The following NRDE2 variants were observed in gnomAD, a reference collection of about 807,000 sequenced individuals.
The protein encoded by NRDE2 is NRDE-2, necessary for RNA interference, domain containing.
In NRDE2, 76 loss-of-function variants were observed where a neutral mutation model predicts 124.2. The observed-to-expected ratio is 0.61, with a 90% CI of 0.51 to 0.74. NRDE2 has a LOEUF of 0.74. NRDE2 is among the 30% of genes least tolerant of loss of function. NRDE2 has a pLI of 0.00. For synonymous variants in NRDE2, 489 were observed against 528.1 expected (o/e 0.93, Z 1.01); for missense variants, 1,314 against 1,417.3 (o/e 0.93, Z 1.17).
chr14:90,328,550 C>T (rs1455188085), intron 1 of NRDE2, among the ~76,000 whole-genome samples: 1 of 152,140 alleles, frequency 6.6e-6, no homozygotes, highest in Admixed American at 6.6e-5. Flanking sequence ...TGGGATGAAA[C>T]AGGTTGCAAA....
At chr14:90,317,436 C>T (rs1885087521) in intron 2 of NRDE2, among the ~76,000 whole-genome samples, 1 of 152,188 alleles carries the variant, frequency 6.6e-6, no homozygotes, top group East Asian at 1.9e-4. Flanking sequence ...CCAACTTCCT[C>T]TCATACATCA....
chr14:90,321,504 G>A (rs1885238928), intron 1 of NRDE2, among the ~76,000 whole-genome samples: 1 of 146,034 alleles, frequency 6.8e-6, no homozygotes, highest in South Asian at 2.2e-4. Flanking sequence ...TGGAGCCCAG[G>A]AGTTCAAACG....
intron 11 of NRDE2, 56 bp downstream of exon 11, chr14:90,288,161 C>A: frequency 6.6e-7 from 1 of 1,525,606 alleles, no homozygotes. Context: ...CAGGGCAACA[C>A]AGCAAGCATT....
At chr14:90,289,992 C>T (rs961152951) in intron 10 of NRDE2, among the ~76,000 whole-genome samples, 4 of 152,198 alleles carry the variant, frequency 2.6e-5, no homozygotes, top group African/African-American at 4.8e-5. Context: ...CAAGATAATA[C>T]AATAAACAGC....
Position 90,268,196 on chromosome 14 carries a change from T to C in NRDE2, c.*10140A>G. 1 of 1,539,122 alleles carries C rather than the reference T, an allele frequency of 6.5e-7. No individual in the cohort carries two copies. The highest frequency in any genetic ancestry group is 2.3e-4 in the Middle Eastern group (1 of 4,284). On this transcript the variant is annotated 3_prime_UTR_variant, in exon 14 of 14. Transcript: ENST00000354366. ...TAAAATGGCACTTAAGGTGTCTTTTTTTTTTTTATCTTTTTCATCCAAAAT... is the reference window on the plus strand; with the variant it reads ...TAAAATGGCACTTAAGGTGTCTTTTCTTTTTTTATCTTTTTCATCCAAAAT...
rs921025381 is a variant in NRDE2, at chr14:90,274,144, G to A, written c.*4192C>T. The A allele has an allele frequency of 2.6e-5, 4 of 154,976 alleles. No homozygotes were observed. Among genetic ancestry groups the A allele is most frequent in the African/African-American group, 9.7e-5 (4 of 41,404 alleles). 9.6% of individuals were successfully genotyped at this position (154,976 alleles called of 1,614,324 possible). On this transcript the variant is annotated 3_prime_UTR_variant, in exon 14 of 14. Transcript: ENST00000354366. ...GTAAGGACGGGGTGCTTGTGGGGAGGGCGGGTGTCAGCCCAAGTAGGGTGT... is the reference window on the plus strand; with the variant it reads ...GTAAGGACGGGGTGCTTGTGGGGAGAGCGGGTGTCAGCCCAAGTAGGGTGT...
chr14:90,302,488 A>G (rs942761904), intron 6 of NRDE2, among the ~76,000 whole-genome samples: 2 of 152,200 alleles, frequency 1.3e-5, no homozygotes, highest in African/African-American at 4.8e-5. Flanking sequence ...GCTAATCAGC[A>G]GAACCTTGTC....
intron 8 of NRDE2, among the ~76,000 whole-genome samples, chr14:90,295,311 T>C (rs1884100991): frequency 6.6e-6 from 1 of 152,206 alleles, no homozygotes; most frequent in Admixed American, 6.5e-5. Context: ...CGTAGTATAA[T>C]AATAATATAT....
At chr14:90,302,600 C>A (rs1371923541) in intron 6 of NRDE2, 120 bp downstream of exon 6, 1 of 1,129,836 alleles carries the variant, frequency 8.9e-7, no homozygotes, top group East Asian at 2.6e-5. Context: ...TTAAAAAAAT[C>A]AGTTCTATCA....
chr14:90,319,848 C>T (rs528995284), intron 1 of NRDE2, among the ~76,000 whole-genome samples: 122 of 152,246 alleles, frequency 8.0e-4, no homozygotes, highest in Admixed American at 1.8e-3. Context: ...TACCTAGGAG[C>T]GGAATTGCTG....
intron 12 of NRDE2, 74 bp from the exon 13 acceptor site, chr14:90,279,207 A>G: frequency 8.6e-7 from 1 of 1,156,534 alleles, no homozygotes; most frequent in East Asian, 2.3e-5. Flanking sequence ...ACGCCCCTGG[A>G]TGACGGGCAC....
rs545829397 is a variant in NRDE2 at position 90,301,222 on chromosome 14, C to T, written c.1545+17G>A. 3.1e-6 allele frequency: 5 copies of T among 1,612,466 alleles called. No homozygotes were observed. In the African/African-American group the frequency reaches 5.3e-5, roughly 17 times the overall value. On this transcript the variant is annotated intron_variant, in intron 7 of 13. Coordinates refer to ENST00000354366, the MANE Select transcript of NRDE2 (RefSeq NM_017970.4). ...AAGAGCCAGGAAGAGAGAGATGAGG[C>T]GAGCAGAGCTGGGTACCTGTCCTTT...
At chr14:90,292,142 T>C (rs1484208957) in intron 9 of NRDE2, among the ~76,000 whole-genome samples, 1 of 152,216 alleles carries the variant, frequency 6.6e-6, no homozygotes, top group Non-Finnish European at 1.5e-5. Flanking sequence ...ACAGATGAAC[T>C]GCCTGGCACG....
At chr14:90,329,541 GA>G (rs1205641355) in intron 1 of NRDE2, among the ~76,000 whole-genome samples, 2 of 147,662 alleles carry the variant, frequency 1.4e-5, no homozygotes, top group Non-Finnish European at 1.5e-5. Context: ...CCCTACTTAA[GA>G]AAAAAAAAAG....
At chr14:90,314,690 G>T (rs573068603) in intron 3 of NRDE2, among the ~76,000 whole-genome samples, 1 of 152,280 alleles carries the variant, frequency 6.6e-6, no homozygotes, top group African/African-American at 2.4e-5. Flanking sequence ...TAAAAGGTAA[G>T]GACACCAATA....
Position 90,270,276 on chromosome 14 carries a change from G to A in NRDE2, c.*8060C>T, listed in dbSNP as rs183723361. The A allele has an allele frequency of 1.2e-6, 2 of 1,613,720 alleles. No individual in the cohort carries two copies. The highest frequency in any genetic ancestry group is 1.3e-5 in the African/African-American group (1 of 74,944). On this transcript the variant is annotated 3_prime_UTR_variant, in exon 14 of 14. Transcript: ENST00000354366. ...CGCATCTTTCAGATTCACACAAGCAGGATGACGCTGGCTGATGATGTAACC... is the reference window on the plus strand; with the variant it reads ...CGCATCTTTCAGATTCACACAAGCAAGATGACGCTGGCTGATGATGTAACC...
In NRDE2 at chr14:90,289,046, A is replaced by G; in HGVS notation, c.2329T>C (p.Cys777Arg). 2 of 1,614,186 alleles carry G rather than the reference A, an allele frequency of 1.2e-6. No individual in the cohort carries two copies. Among genetic ancestry groups the G allele is most frequent in the African/African-American group, 1.3e-5 (1 of 75,058 alleles). ...TGCTTCCACAGGCAAAAGTTGTTGC[A>G]GTTTTCTGGCTCCTTAAGGAGATTC... ...AKNLLKEPEN[C>R]NNFCLWKQYA... is the part of the protein sequence containing the mutation. The change falls in exon 11 of 14, where the codon TGC becomes CGC. Residue 777 changes from cysteine (C) to arginine (R), a missense_variant. Transcript: ENST00000354366.
Position 90,268,249 on chromosome 14 carries a change from A to G in NRDE2, c.*10087T>C, listed in dbSNP as rs1891570415. On this transcript the variant is annotated 3_prime_UTR_variant, in exon 14 of 14. Coordinates refer to ENST00000354366, the MANE Select transcript of NRDE2 (RefSeq NM_017970.4). ...GTAAAACCTTGTTAGCCAAAGCAGT[A>G]GCAAACCAAACCTCAGCCACTTTCT... is the stretch of plus-strand genomic sequence containing the variant. 1 of 1,596,280 alleles carries G rather than the reference A, an allele frequency of 6.3e-7. No homozygotes were observed. Among genetic ancestry groups the G allele is most frequent in the Non-Finnish European group, 8.5e-7 (1 of 1,173,230 alleles).
At position 90,272,107 on chromosome 14, in the gene NRDE2, T is replaced by C; in HGVS notation, c.*6229A>G. The stretch of plus-strand genomic sequence containing the variant: ...TGGGGTTTCACCGTGTTGGCCAGGC[T>C]GGTCTTGAACTCCTGACCTTAGGCG... On this transcript the variant is annotated 3_prime_UTR_variant, in exon 14 of 14. Transcript: ENST00000354366. The surrounding 1 kb of genome is among the most constrained non-coding windows in gnomAD (Gnocchi z 4.5). 1 of 563,556 alleles carries C rather than the reference T, an allele frequency of 1.8e-6. No homozygotes were observed. The allele number at this position is 563,556 out of a possible 1,614,324, so 34.9% of individuals were successfully genotyped here.
Sources: gnomAD v4.1 joint callset for allele counts (sites outside exome capture counted in the v4.1 genomes callset) on GRCh38, gnomAD v4.1.1 for gene constraint, Gnocchi (gnomAD v3.1) non-coding constraint, MANE v1.5 for transcripts, NCBI Gene and HGNC (gene_info 2026-07-23, HGNC 2026-07-21) for gene names.